SORCS2: variants seen among roughly 807,000 people sequenced by gnomAD.
SORCS2 encodes the protein VPS10 domain-containing receptor SorCS2.
In SORCS2, 100 loss-of-function variants were observed where a neutral mutation model predicts 141.6. The observed-to-expected ratio is 0.71, with a 90% CI of 0.60 to 0.83. SORCS2 has a LOEUF of 0.83. SORCS2 is among the 40% of genes least tolerant of loss of function. SORCS2 has a pLI of 0.00. For synonymous variants in SORCS2, 789 were observed against 676.9 expected (o/e 1.17, Z -2.57); for missense variants, 1,646 against 1,560.2 (o/e 1.05, Z -0.93).
chr4:7,403,997 A>ATATATATATATATATATATTTTTT (rs1265288820), intron 2 of SORCS2, among the ~76,000 whole-genome samples: 1 of 19,000 alleles, frequency 5.3e-5, no homozygotes, highest in Non-Finnish European at 1.2e-4. Context: ...ATATATATAT[A>ATATATATATATATATATATTTTTT]TTTTTTTTTT....
At chr4:7,294,660 TTCCTCTCCCTCC>T (rs1468072759) in intron 1 of SORCS2, among the ~76,000 whole-genome samples, 1 of 104,242 alleles carries the variant, frequency 9.6e-6, no homozygotes, top group African/African-American at 3.9e-5. Context: ...CCTCTCCCTC[TTCCTCTCCCTCC>T]TCCTCCTCCT....
chr4:7,395,454 G>A (rs1250380126), intron 1 of SORCS2, among the ~76,000 whole-genome samples: 1 of 152,206 alleles, frequency 6.6e-6, no homozygotes, highest in Non-Finnish European at 1.5e-5. Flanking sequence ...GAAATTTGAT[G>A]TACATGAAAA....
intron 3 of SORCS2, among the ~76,000 whole-genome samples, chr4:7,544,789 CCA>C (rs543247486): frequency 1.4e-3 from 213 of 152,338 alleles, no homozygotes; most frequent in Non-Finnish European, 2.6e-3. Flanking sequence ...CCTGCCATCC[CCA>C]GTCTCCCCCA....
chr4:7,548,641 T>C (rs1449973496), intron 3 of SORCS2, among the ~76,000 whole-genome samples: 1 of 152,050 alleles, frequency 6.6e-6, no homozygotes, highest in Non-Finnish European at 1.5e-5. Flanking sequence ...CTCACAGTCA[T>C]GTGACAGTGT....
chr4:7,647,205 T>C (rs571333414), intron 4 of SORCS2, among the ~76,000 whole-genome samples: 2 of 151,724 alleles, frequency 1.3e-5, no homozygotes, highest in Non-Finnish European at 2.9e-5. Context: ...ACCGTGGGAG[T>C]GGGGTTAGCC....
At chr4:7,305,256 C>T (rs968097670) in intron 1 of SORCS2, among the ~76,000 whole-genome samples, 1 of 152,184 alleles carries the variant, frequency 6.6e-6, no homozygotes, top group Non-Finnish European at 1.5e-5. Flanking sequence ...TGGTCTCGAT[C>T]TGCTGACCTC....
chr4:7,557,983 G>A (rs1577745648), intron 3 of SORCS2, among the ~76,000 whole-genome samples: 1 of 152,164 alleles, frequency 6.6e-6, no homozygotes, highest in Admixed American at 6.5e-5. Flanking sequence ...GACAAGACAT[G>A]GACTAACAGT....
chr4:7,554,547 T>C (rs1180825260), intron 3 of SORCS2, among the ~76,000 whole-genome samples: 2 of 145,904 alleles, frequency 1.4e-5, no homozygotes, highest in Non-Finnish European at 2.9e-5. Context: ...GGATATTAAG[T>C]CCCCCCATAA....
chr4:7,433,142 C>G (rs921123057), intron 2 of SORCS2: 1 of 604,554 alleles, frequency 1.7e-6, no homozygotes, highest in Non-Finnish European at 2.5e-6. Context: ...TGTGCGGCAC[C>G]GTTGTTAAGA....
intron 3 of SORCS2, among the ~76,000 whole-genome samples, chr4:7,601,675 G>GTTTT (rs34542178): frequency 1.4e-5 from 2 of 145,590 alleles, no homozygotes; most frequent in Admixed American, 7.0e-5. Flanking sequence ...TTGTTTGTTT[G>GTTTT]TTTTTTTAGT....
At chr4:7,211,030 A>G (rs1229465137) in intron 1 of SORCS2, among the ~76,000 whole-genome samples, 4 of 152,226 alleles carry the variant, frequency 2.6e-5, no homozygotes, top group African/African-American at 9.6e-5. Flanking sequence ...GAGGGTTTGT[A>G]AGCAGGGCTG....
intron 2 of SORCS2, among the ~76,000 whole-genome samples, chr4:7,485,106 C>G (rs569919191): frequency 1.4e-4 from 22 of 152,310 alleles, no homozygotes; most frequent in African/African-American, 5.1e-4. Context: ...TGCCCACACA[C>G]CCTCCTGAGG....
chr4:7,668,182 TAGAC>T (rs772483556), intron 8 of SORCS2, among the ~76,000 whole-genome samples: 2 of 152,156 alleles, frequency 1.3e-5, no homozygotes, highest in Non-Finnish European at 2.9e-5. Context: ...GGAGATCCAG[TAGAC>T]AGACAAATGC....
At chr4:7,414,861 T>A (rs181241035) in intron 2 of SORCS2, among the ~76,000 whole-genome samples, 1 of 152,232 alleles carries the variant, frequency 6.6e-6, no homozygotes, top group African/African-American at 2.4e-5. Flanking sequence ...TGGTACCTTA[T>A]CAGTTAATTG....
chr4:7,491,327 C>A (rs1731303060), intron 2 of SORCS2, among the ~76,000 whole-genome samples: 1 of 152,232 alleles, frequency 6.6e-6, no homozygotes, highest in Non-Finnish European at 1.5e-5. Context: ...GGCCCTGAGG[C>A]TGCACTGGGC....
chr4:7,687,177 G>T (rs1249231767), intron 10 of SORCS2, among the ~76,000 whole-genome samples: 1 of 152,202 alleles, frequency 6.6e-6, no homozygotes, highest in Non-Finnish European at 1.5e-5. Context: ...AAGCATGGCA[G>T]AGCCAGGGCG....
chr4:7,334,892 T>C (rs1719890560), intron 1 of SORCS2, among the ~76,000 whole-genome samples: 1 of 151,796 alleles, frequency 6.6e-6, no homozygotes. Flanking sequence ...GAACAGCGAG[T>C]GTCAGTATCA....
chr4:7,372,393 G>A (rs527326323), intron 1 of SORCS2, among the ~76,000 whole-genome samples: 2 of 152,186 alleles, frequency 1.3e-5, no homozygotes, highest in East Asian at 3.9e-4. Context: ...TGCAACCTCC[G>A]TCCCCTGGGT....
At chr4:7,629,434 A>T (rs1185172148) in intron 3 of SORCS2, among the ~76,000 whole-genome samples, 1 of 152,048 alleles carries the variant, frequency 6.6e-6, no homozygotes, top group Non-Finnish European at 1.5e-5. Flanking sequence ...AGGCTGTGGC[A>T]GGGCAGGCCC....
Sources: allele counts gnomAD v4.1 joint callset (sites outside exome capture counted in the v4.1 genomes callset), GRCh38; gene constraint gnomAD v4.1.1; transcripts MANE v1.5; gene names NCBI Gene and HGNC (gene_info 2026-07-23, HGNC 2026-07-21).